SNTB1: variants seen among roughly 807,000 people sequenced by gnomAD.
SNTB1 encodes beta-1-syntrophin.
In SNTB1, 36 loss-of-function variants were observed where a neutral mutation model predicts 48.9. That is an observed-to-expected ratio of 0.74 (90% CI 0.56 to 0.97). The LOEUF (loss-of-function observed/expected upper bound fraction) is 0.97, where lower values mean the gene tolerates loss of function less well. Among genes scored for constraint, SNTB1 ranks in the 50% least tolerant of loss-of-function variants. SNTB1 has a pLI of 0.00. For synonymous variants in SNTB1, 299 were observed against 294.6 expected, an observed-to-expected ratio of 1.01 and a Z score of -0.15; for missense variants, 786 against 703.4, an observed-to-expected ratio of 1.12 and a Z score of -1.33.
intron 4 of SNTB1, among the ~76,000 whole-genome samples, chr8:120,559,932 CA>C (rs1221633979): frequency 1.2e-5 from 1 of 80,308 alleles, no homozygotes; most frequent in African/African-American, 3.9e-5. Context: ...ATGCAAGCCA[CA>C]AAAAAAAGAA....
intron 2 of SNTB1, among the ~76,000 whole-genome samples, chr8:120,662,856 C>G (rs1817612843): frequency 6.6e-6 from 1 of 151,988 alleles, no homozygotes; most frequent in Middle Eastern, 3.2e-3. Flanking sequence ...GTACAAACAA[C>G]CTTAATCATG....
intron 1 of SNTB1, among the ~76,000 whole-genome samples, chr8:120,723,334 T>C (rs978705569): frequency 3.9e-5 from 6 of 152,198 alleles, no homozygotes; most frequent in African/African-American, 1.4e-4. Flanking sequence ...CATATACACA[T>C]ATATACTACA....
At chr8:120,647,102 C>T (rs1817310760) in intron 2 of SNTB1, among the ~76,000 whole-genome samples, 3 of 137,986 alleles carry the variant, frequency 2.2e-5, no homozygotes, top group African/African-American at 5.5e-5. Context: ...TTTGTTGATC[C>T]TTTCAAAAAA....
chr8:120,558,735 AAACTGGGGATAAT>A (rs1325484413), intron 4 of SNTB1, among the ~76,000 whole-genome samples: 8 of 152,208 alleles, frequency 5.3e-5, no homozygotes, highest in Non-Finnish European at 8.8e-5. Context: ...CCTCAACTGC[AAACTGGGGATAAT>A]AATATGGTCA....
chr8:120,726,731 G>C (rs749879138), intron 1 of SNTB1, among the ~76,000 whole-genome samples: 15 of 152,172 alleles, frequency 9.9e-5, no homozygotes, highest in Non-Finnish European at 1.8e-4. Flanking sequence ...CTACAATGTA[G>C]GAAGTGCATG....
At chr8:120,564,564 GT>G (rs71306893) in intron 4 of SNTB1, among the ~76,000 whole-genome samples, 83 of 84,220 alleles carry the variant, frequency 9.9e-4, no homozygotes, top group East Asian at 4.6e-3. Flanking sequence ...TATTATTCTG[GT>G]TTTTTTTTTT....
chr8:120,772,915 A>G (rs1819664411), intron 1 of SNTB1, among the ~76,000 whole-genome samples: 1 of 152,204 alleles, frequency 6.6e-6, no homozygotes, highest in African/African-American at 2.4e-5. Context: ...ACACTATTCA[A>G]TGAAAGCCCC....
intron 4 of SNTB1, among the ~76,000 whole-genome samples, chr8:120,560,204 C>G (rs185086944): frequency 6.6e-6 from 1 of 152,148 alleles, no homozygotes. Flanking sequence ...TCATCTGGGC[C>G]GGGTGCGGTG....
At chr8:120,632,342 G>T in intron 3 of SNTB1, 102 bp downstream of exon 3, 1 of 1,065,244 alleles carries the variant, frequency 9.4e-7, no homozygotes, top group Non-Finnish European at 1.4e-6. Context: ...CACAGACTGT[G>T]AATGAGAGAA....
chr8:120,649,632 C>T (rs1457413859), intron 2 of SNTB1, among the ~76,000 whole-genome samples: 9 of 149,186 alleles, frequency 6.0e-5, no homozygotes, highest in Non-Finnish European at 1.2e-4. Flanking sequence ...TTGTCTGTGC[C>T]CTGCCCCCAG....
At chr8:120,681,609 C>T (rs1817933007) in intron 2 of SNTB1, among the ~76,000 whole-genome samples, 1 of 134,622 alleles carries the variant, frequency 7.4e-6, no homozygotes, top group Non-Finnish European at 1.5e-5. Context: ...CACTATCTAC[C>T]CCCAATCCAC....
intron 1 of SNTB1, among the ~76,000 whole-genome samples, chr8:120,710,635 AG>A (rs1309537431): frequency 1.3e-5 from 2 of 152,156 alleles, no homozygotes; most frequent in Non-Finnish European, 2.9e-5. Flanking sequence ...GGAGGGAACT[AG>A]CTTAGGCCCT....
At chr8:120,677,799 T>A (rs1389199938) in intron 2 of SNTB1, among the ~76,000 whole-genome samples, 1 of 152,260 alleles carries the variant, frequency 6.6e-6, no homozygotes, top group South Asian at 2.1e-4. Context: ...ACCCAGATAA[T>A]AAGTAGAAAA....
intron 3 of SNTB1, among the ~76,000 whole-genome samples, chr8:120,608,073 G>A (rs1341459395): frequency 2.0e-5 from 3 of 152,192 alleles, no homozygotes; most frequent in African/African-American, 7.2e-5. Context: ...ACATTGAACA[G>A]CGTCTTTGAA....
At chr8:120,578,136 C>A (rs1815980185) in intron 3 of SNTB1, among the ~76,000 whole-genome samples, 2 of 151,964 alleles carry the variant, frequency 1.3e-5, no homozygotes, top group African/African-American at 4.8e-5. Context: ...GGGGTTCACG[C>A]CATTCTCCTG....
chr8:120,748,701 T>C (rs1426423980), intron 1 of SNTB1, among the ~76,000 whole-genome samples: 1 of 152,228 alleles, frequency 6.6e-6, no homozygotes, highest in South Asian at 2.1e-4. Flanking sequence ...CTGTTAATGC[T>C]TCATTACCCA....
At chr8:120,782,867 T>G (rs562645160) in intron 1 of SNTB1, among the ~76,000 whole-genome samples, 1 of 152,310 alleles carries the variant, frequency 6.6e-6, no homozygotes, top group East Asian at 1.9e-4. Context: ...TATTTACCTT[T>G]TGCTTTTTCA....
At chr8:120,667,057 G>T (rs1055199944) in intron 2 of SNTB1, among the ~76,000 whole-genome samples, 2 of 149,492 alleles carry the variant, frequency 1.3e-5, no homozygotes, top group Non-Finnish European at 3.0e-5. Flanking sequence ...GGTCAGATTT[G>T]CTCCTTCTTT....
intron 5 of SNTB1, 96 bp from the exon 6 acceptor site, chr8:120,542,096 A>G: frequency 1.3e-6 from 1 of 790,352 alleles, no homozygotes; most frequent in Non-Finnish European, 2.0e-6. Context: ...AGTCCCAGCG[A>G]TCAGCTACGA....
Sources: gnomAD v4.1 joint callset for allele counts (sites outside exome capture counted in the v4.1 genomes callset) on GRCh38, gnomAD v4.1.1 for gene constraint, MANE v1.5 for transcripts, NCBI Gene and HGNC (gene_info 2026-07-23, HGNC 2026-07-21) for gene names.